KLHL8: variants seen among roughly 807,000 people sequenced by gnomAD.
KLHL8 encodes kelch like family member 8.
KLHL8 carries 38 observed loss-of-function variants against 63.5 expected under a neutral mutation model. The observed-to-expected ratio is 0.60, with a 90% CI of 0.46 to 0.78. The LOEUF (loss-of-function observed/expected upper bound fraction) is 0.78. Ranked by LOEUF, KLHL8 falls within the 30% of genes least tolerant of loss-of-function variation. The pLI, the probability that KLHL8 is intolerant of heterozygous loss-of-function variation, is 0.00. For missense variants in KLHL8, 566 were observed against 752.4 expected (o/e 0.75, Z 2.90); for synonymous variants, 224 against 254.3 (o/e 0.88, Z 1.13).
intron 2 of KLHL8, 124 bp from the exon 3 acceptor site, chr4:87,185,923 G>A (rs540356640): frequency 5.3e-6 from 4 of 748,632 alleles, no homozygotes; most frequent in African/African-American, 1.8e-5. Context: ...TTTATAAGGC[G>A]ATCCTTTGAT....
Position 87,178,605 on chromosome 4 carries a change from A to G in KLHL8, c.968T>C (p.Val323Ala). ...RKHTAGVLFC[V>A]GGRGGSGDPF... ...GTCACCAGATCCACCTCGACCACCT[A>G]CACAAAACAGCACACCTAAAGGTAA... Residue 323 changes from valine (V) to alanine (A), a missense_variant, in exon 5 of 10, where the codon GTA (valine) becomes GCA (alanine). Transcript: ENST00000273963. The G allele has an allele frequency of 6.3e-7, 1 of 1,596,854 alleles. No individual in the cohort carries two copies. The highest frequency in any genetic ancestry group is 8.5e-7 in the Non-Finnish European group (1 of 1,175,488).
At chr4:87,238,787 A>G (rs1454731888) in intron 1 of KLHL8, among the ~76,000 whole-genome samples, 2 of 152,346 alleles carry the variant, frequency 1.3e-5, no homozygotes, top group Admixed American at 1.3e-4. Flanking sequence ...ATATGATAGA[A>G]GGAATCATGA....
intron 1 of KLHL8, among the ~76,000 whole-genome samples, chr4:87,237,689 T>C (rs1365523601): frequency 6.6e-6 from 1 of 152,124 alleles, no homozygotes; most frequent in African/African-American, 2.4e-5. Context: ...TAGCTGAGTA[T>C]GGTGGCATGC....
In KLHL8 at chr4:87,185,243, G is replaced by C. The variant is rs1241648045; in HGVS notation, c.765+8C>G. ...CATTTCTGTGTGAAATCTTATTTCAGCTCCTACCTGTGCAAGTGTTTCATC... is the reference window on the plus strand; with the variant it reads ...CATTTCTGTGTGAAATCTTATTTCACCTCCTACCTGTGCAAGTGTTTCATC... On this transcript the variant is annotated splice_region_variant and intron_variant, in intron 3 of 9. Coordinates refer to ENST00000273963, the MANE Select transcript of KLHL8 (RefSeq NM_020803.5). 6.3e-7 allele frequency: 1 copy of C among 1,598,842 alleles called. No individual in the cohort carries two copies. Among genetic ancestry groups the C allele is most frequent in the South Asian group, 1.1e-5 (1 of 89,036 alleles).
chr4:87,164,972 C>T (rs576116915), intron 8 of KLHL8, among the ~76,000 whole-genome samples: 10 of 151,710 alleles, frequency 6.6e-5, no homozygotes, highest in African/African-American at 1.9e-4. Context: ...CACGGTGAAA[C>T]CCCGTCTCTA....
intron 7 of KLHL8, 40 bp downstream of exon 7, chr4:87,170,407 A>G: frequency 6.4e-7 from 1 of 1,559,438 alleles, no homozygotes; most frequent in Non-Finnish European, 8.7e-7. Context: ...TTATGAATGT[A>G]ATGCAATGTA....
intron 1 of KLHL8, among the ~76,000 whole-genome samples, chr4:87,237,545 A>G (rs1733253355): frequency 6.6e-6 from 1 of 152,236 alleles, no homozygotes; most frequent in Admixed American, 6.5e-5. Context: ...TAAACAAATC[A>G]TAGCCAGGCA....
At chr4:87,214,415 G>GATATATAGATAT (rs1553949055) in intron 1 of KLHL8, among the ~76,000 whole-genome samples, 2 of 93,086 alleles carry the variant, frequency 2.1e-5, no homozygotes, top group African/African-American at 3.7e-5. Flanking sequence ...GCACATAACA[G>GATATATAGATAT]ATATATATAT....
intron 2 of KLHL8, among the ~76,000 whole-genome samples, chr4:87,191,069 C>G (rs1045157446): frequency 1.3e-5 from 2 of 152,150 alleles, no homozygotes; most frequent in Non-Finnish European, 2.9e-5. Context: ...CTACATATCT[C>G]AAGATCTGCT....
At chr4:87,170,724 G>T in intron 6 of KLHL8, 109 bp from the exon 7 acceptor site, 1 of 927,436 alleles carries the variant, frequency 1.1e-6, no homozygotes, top group Non-Finnish European at 1.6e-6. Context: ...CCTTCAAACA[G>T]TATAGTTTGT....
intron 2 of KLHL8, among the ~76,000 whole-genome samples, chr4:87,189,857 G>A (rs537086214): frequency 2.0e-5 from 3 of 150,838 alleles, no homozygotes; most frequent in Non-Finnish European, 3.0e-5. Context: ...GTGAAACCCC[G>A]TCTATACTGA....
intron 1 of KLHL8, among the ~76,000 whole-genome samples, chr4:87,231,121 A>G (rs1044094097): frequency 5.3e-5 from 8 of 151,858 alleles, no homozygotes; most frequent in Non-Finnish European, 1.2e-4. Flanking sequence ...GACTGAAGGG[A>G]GTTGGTGTCT....
chr4:87,207,635 C>A lies in KLHL8; in HGVS notation c.-151-11945G>T, dbSNP rs1053834345. 5 of 1,208,098 alleles carry A rather than the reference C, an allele frequency of 4.1e-6. No individual in the cohort carries two copies. The Admixed American group carries it at 8.5e-5, about 21-fold the overall frequency. 74.8% of individuals were successfully genotyped at this position (1,208,098 alleles called of 1,614,324 possible). A position where few individuals can be genotyped will look rare whatever the true frequency, so the allele number is the denominator to read the frequency against. On this transcript the variant is annotated intron_variant, in intron 1 of 9. Coordinates refer to ENST00000273963, the MANE Select transcript of KLHL8 (RefSeq NM_020803.5). ...ACTACAGTCCATGCCATCACTGCCA[C>A]CCAGAAGACTGTGGATGGCCCCTCT...
At chr4:87,176,116 A>G (rs888135914) in intron 6 of KLHL8, among the ~76,000 whole-genome samples, 1 of 152,246 alleles carries the variant, frequency 6.6e-6, no homozygotes, top group Non-Finnish European at 1.5e-5. Flanking sequence ...GTTCAATGCT[A>G]ATTTCAGTAA....
At chr4:87,189,703 T>C (rs950571343) in intron 2 of KLHL8, among the ~76,000 whole-genome samples, 4 of 152,024 alleles carry the variant, frequency 2.6e-5, no homozygotes, top group Admixed American at 2.0e-4. Flanking sequence ...TTAACATTTA[T>C]TTTGTAAACT....
Position 87,182,833 on chromosome 4 carries a change from C to A in KLHL8, c.952+370G>T, listed in dbSNP as rs1731106198. On this transcript the variant is annotated intron_variant, in intron 4 of 9. Transcript: ENST00000273963. The stretch of plus-strand genomic sequence containing the variant: ...TGCACAATATATTTCAAGTTCCATG[C>A]TTGGCCCTAGGGATAGAAACCTAAA... Among the ~76,000 whole-genome samples the A allele has an allele frequency of 3.3e-5, 5 of 152,082 alleles. No homozygotes were observed. The South Asian group carries it at 1.0e-3, about 32-fold the overall frequency.
intron 1 of KLHL8, among the ~76,000 whole-genome samples, chr4:87,226,457 G>A (rs1732976331): frequency 6.7e-6 from 1 of 149,368 alleles, no homozygotes; most frequent in African/African-American, 2.5e-5. Flanking sequence ...CAGCTACTTG[G>A]GGGCTGAGGC....
At chr4:87,206,110 A>G (rs1293006789) in intron 1 of KLHL8, among the ~76,000 whole-genome samples, 1 of 152,052 alleles carries the variant, frequency 6.6e-6, no homozygotes, top group African/African-American at 2.4e-5. Context: ...CAACCTATCC[A>G]CTTCAATTCT....
In KLHL8 at chr4:87,195,621, G is replaced by T; in HGVS notation, c.-82C>A. 8.8e-7 allele frequency: 1 copy of T among 1,134,816 alleles called. No individual in the cohort carries two copies. The highest frequency in any genetic ancestry group is 1.3e-6 in the Non-Finnish European group (1 of 766,784). 70.3% of individuals were successfully genotyped at this position (1,134,816 alleles called of 1,614,324 possible). ...TCAAAGGGTAGAGAGAAGGCAGAAG[G>T]TAGATGTAGACACTACAATTCAGAC... is the stretch of plus-strand genomic sequence containing the variant. On this transcript the variant is annotated 5_prime_UTR_variant, in exon 2 of 10. Transcript: ENST00000273963.
Sources: allele counts gnomAD v4.1 joint callset (sites outside exome capture counted in the v4.1 genomes callset), GRCh38; gene constraint gnomAD v4.1.1; transcripts MANE v1.5; gene names NCBI Gene and HGNC (gene_info 2026-07-23, HGNC 2026-07-21).